DNAAF2: variants seen among roughly 807,000 people sequenced by gnomAD.
DNAAF2 encodes the protein dynein axonemal assembly factor 2.
In DNAAF2, 58 loss-of-function variants were observed where a neutral mutation model predicts 48.8. That is an observed-to-expected ratio of 1.19 (90% CI 0.96 to 1.48). The LOEUF is 1.48. Among genes scored for constraint, DNAAF2 ranks in the 40% most tolerant of loss-of-function variants. DNAAF2 has a pLI of 0.00. For missense variants in DNAAF2, 1,241 were observed against 1,116.1 expected (o/e 1.11, Z -1.59); for synonymous variants, 567 against 481.2 (o/e 1.18, Z -2.33).
At chr14:49,632,666 A>C (rs913661483) in intron 1 of DNAAF2, among the ~76,000 whole-genome samples, 5 of 143,654 alleles carry the variant, frequency 3.5e-5, no homozygotes, top group African/African-American at 1.0e-4. Context: ...GGCTGGTCTC[A>C]AAGTCCTGAC....
Position 49,633,749 on chromosome 14 carries a change from G to C in DNAAF2, c.1401C>G (p.Ser467=). 6.3e-7 allele frequency: 1 copy of C among 1,592,684 alleles called. No individual in the cohort carries two copies. The change falls in exon 1 of 3, where the codon TCC becomes TCG. Residue 467 remains serine (S), a synonymous_variant. Transcript: ENST00000298292. Reference sequence around the variant, plus strand: ...CCAGGCTCCGGGAGGACAAACAAGGGGAGCCTCCGCCACCAGGTGAGTTTT... The same window carrying C: ...CCAGGCTCCGGGAGGACAAACAAGGCGAGCCTCCGCCACCAGGTGAGTTTT... ...GGENSPGGGG[S]PCLSSRSLAW... is the part of the protein sequence containing the mutation.
In DNAAF2 at chr14:49,633,500, T is replaced by C. The variant is rs747996052; in HGVS notation, c.1650A>G (p.Gly550=). 1.9e-6 allele frequency: 3 copies of C among 1,613,922 alleles called. No individual in the cohort carries two copies. The highest frequency in any genetic ancestry group is 2.5e-6 in the Non-Finnish European group (3 of 1,179,892). Residue 550 remains glycine, a synonymous_variant, in exon 1 of 3, where the codon GGA becomes GGG. Coordinates refer to ENST00000298292, the MANE Select transcript of DNAAF2 (RefSeq NM_018139.3). ...VPRIQPQSLQ[G]DLNPLWYKLR... ...ATTTGTACCAGAGGGGATTCAAATC[T>C]CCTTGAAGACTTTGCGGCTGGATCC... is the stretch of plus-strand genomic sequence containing the variant.
chr14:49,630,082 T>C (rs1479726452), intron 1 of DNAAF2, among the ~76,000 whole-genome samples: 2 of 151,860 alleles, frequency 1.3e-5, no homozygotes, highest in Non-Finnish European at 2.9e-5. Flanking sequence ...AATACAAAAA[T>C]TAGCCGGGAG....
In DNAAF2 at chr14:49,634,553, C is replaced by T. The variant is rs201133639; in HGVS notation, c.597G>A (p.Ala199=). The T allele has an allele frequency of 3.1e-6, 5 of 1,603,498 alleles. No individual in the cohort carries two copies. Among genetic ancestry groups the T allele is most frequent in the Non-Finnish European group, 4.2e-6 (5 of 1,179,712 alleles). The change falls in exon 1 of 3, where the codon GCG becomes GCA. Residue 199 remains alanine (A), a synonymous_variant. Coordinates refer to ENST00000298292, the MANE Select transcript of DNAAF2 (RefSeq NM_018139.3). ...KAKYKGTPEA[A]VLRTPLPGVI... ...CCCCGGGCAGGGGCGTGCGCAGCAC[C>T]GCAGCCTCTGGGGTCCCCTTATACT... is the stretch of plus-strand genomic sequence containing the variant.
intron 2 of DNAAF2, among the ~76,000 whole-genome samples, chr14:49,626,508 G>A (rs1156384079): frequency 6.6e-6 from 1 of 152,110 alleles, no homozygotes; most frequent in Non-Finnish European, 1.5e-5. Flanking sequence ...AAGACAGGCA[G>A]CATTTGAAGG....
chr14:49,634,718 C>A lies in DNAAF2; in HGVS notation c.432G>T (p.Val144=), dbSNP rs745354571. ...GCGCAAGCGCGTCTGGATGGAAGAC[C>A]ACGTCGTAGACCATGTAGCGGCTGC... ...RSSSRYMVYD[V]VFHPDALALA... Residue 144 remains valine, a synonymous_variant, in exon 1 of 3, where the codon GTG becomes GTT. Transcript: ENST00000298292. 1.5e-5 allele frequency: 24 copies of A among 1,605,976 alleles called. No homozygotes were observed. Among genetic ancestry groups the A allele is most frequent in the Non-Finnish European group, 2.0e-5 (24 of 1,179,560 alleles).
At position 49,626,060 on chromosome 14, in the gene DNAAF2, G is replaced by C. The variant is rs946457685; in HGVS notation, c.2008-12C>G. On this transcript the variant is annotated splice_polypyrimidine_tract_variant and intron_variant, in intron 2 of 2. Transcript: ENST00000298292. ...CTACATTCTTGCAACTGTGTCAAGAGAAACAACAAATTAATAATTATTTTA... is the reference window on the plus strand; with the variant it reads ...CTACATTCTTGCAACTGTGTCAAGACAAACAACAAATTAATAATTATTTTA... The C allele has an allele frequency of 7.1e-7, 1 of 1,409,126 alleles. No homozygotes were observed. The highest frequency in any genetic ancestry group is 3.2e-5 in the Admixed American group (1 of 31,086). 87.3% of individuals were successfully genotyped at this position (1,409,126 alleles called of 1,614,324 possible).
rs562335055 is a variant in DNAAF2 at position 49,633,750 on chromosome 14, G to T, written c.1400C>A (p.Ser467Tyr). The T allele has an allele frequency of 6.3e-7, 1 of 1,592,576 alleles. No individual in the cohort carries two copies. Among genetic ancestry groups the T allele is most frequent in the African/African-American group, 1.3e-5 (1 of 74,422 alleles). The change falls in exon 1 of 3, where the codon TCC becomes TAC. Residue 467 changes from serine (S) to tyrosine (Y), a missense_variant. Coordinates refer to ENST00000298292, the MANE Select transcript of DNAAF2 (RefSeq NM_018139.3). ...GGENSPGGGGSPCLSSRSLAW... is the reference protein window; with the variant it reads ...GGENSPGGGGYPCLSSRSLAW... ...CAGGCTCCGGGAGGACAAACAAGGG[G>T]AGCCTCCGCCACCAGGTGAGTTTTC... is the stretch of plus-strand genomic sequence containing the variant.
In DNAAF2 at chr14:49,633,534, T is replaced by C; in HGVS notation, c.1616A>G (p.Gln539Arg). 6.2e-7 allele frequency: 1 copy of C among 1,614,058 alleles called. No homozygotes were observed. Among genetic ancestry groups the C allele is most frequent in the South Asian group, 1.1e-5 (1 of 91,088 alleles). The part of the protein sequence containing the change: ...QDKETLTLLI[Q>R]VPRIQPQSLQ... ...ACTTTGCGGCTGGATCCGAGGCACC[T>C]GAATGAGCAGAGTCAAGGTTTCTTT... The change falls in exon 1 of 3, where the codon CAG (glutamine) becomes CGG (arginine). Residue 539 changes from glutamine to arginine, a missense_variant. Coordinates refer to ENST00000298292, the MANE Select transcript of DNAAF2 (RefSeq NM_018139.3).
At chr14:49,632,825 G>T (rs895896754) in intron 1 of DNAAF2, among the ~76,000 whole-genome samples, 2 of 151,970 alleles carry the variant, frequency 1.3e-5, no homozygotes, top group African/African-American at 2.4e-5. Flanking sequence ...TATGTTAAAA[G>T]AGCTAAAAAA....
At chr14:49,628,606 C>T (rs1883072742) in intron 1 of DNAAF2, among the ~76,000 whole-genome samples, 2 of 152,088 alleles carry the variant, frequency 1.3e-5, no homozygotes, top group Admixed American at 1.3e-4. Flanking sequence ...AGGCGACTGC[C>T]ACCATGCCGG....
chr14:49,630,740 T>TACACACACACACACACAC lies in DNAAF2; in HGVS notation c.1863+2546_1863+2547insGTGTGTGTGTGTGTGTGT, dbSNP rs58647073. ...CACACACACACACACACAAACTCTC[T>TACACACACACACACACAC]ACACACACACACACACTTTTTTTTT... On this transcript the variant is annotated intron_variant, in intron 1 of 2. Coordinates refer to ENST00000298292, the MANE Select transcript of DNAAF2 (RefSeq NM_018139.3). Among the ~76,000 whole-genome samples, 365 of 136,864 alleles carry TACACACACACACACACAC rather than the reference T, an allele frequency of 2.7e-3. 4 individuals are homozygous for TACACACACACACACACAC. The highest frequency in any genetic ancestry group is 5.5e-3 in the Admixed American group (73 of 13,330). 89.8% of individuals were successfully genotyped at this position (136,864 alleles called of 152,430 possible). A position where few individuals can be genotyped will look rare whatever the true frequency, so the allele number is the denominator to read the frequency against.
chr14:49,634,985 C>T lies in DNAAF2; in HGVS notation c.165G>A (p.Glu55=). 2 of 1,563,472 alleles carry T rather than the reference C, an allele frequency of 1.3e-6. No homozygotes were observed. The highest frequency in any genetic ancestry group is 1.7e-6 in the Non-Finnish European group (2 of 1,154,128). The change falls in exon 1 of 3, where the codon GAG becomes GAA. Residue 55 remains glutamate (E), a synonymous_variant. Transcript: ENST00000298292. ...CGCGCTCACGCTCTAGCGCGGTGAT[C>T]TCCGCCTCGTAGCGCCGCCGGTTCT... ...DPENRRRYEA[E]ITALERERGV...
chr14:49,631,659 T>C (rs1883169513), intron 1 of DNAAF2, among the ~76,000 whole-genome samples: 2 of 152,128 alleles, frequency 1.3e-5, no homozygotes, highest in African/African-American at 4.8e-5. Flanking sequence ...ACTTGCCTTC[T>C]CAGTCTAATG....
chr14:49,632,431 CTAATACT>C (rs1296983749), intron 1 of DNAAF2, among the ~76,000 whole-genome samples: 3 of 145,296 alleles, frequency 2.1e-5, no homozygotes, highest in African/African-American at 7.6e-5. Context: ...AGCCCAAAGT[CTAATACT>C]TAATTTTTCT....
In DNAAF2 at chr14:49,634,313, C is replaced by A; in HGVS notation, c.837G>T (p.Val279=). 6.2e-7 allele frequency: 1 copy of A among 1,611,962 alleles called. No homozygotes were observed. The highest frequency in any genetic ancestry group is 8.5e-7 in the Non-Finnish European group (1 of 1,179,732). The change falls in exon 1 of 3, where the codon GTG becomes GTT. Residue 279 remains valine (V), a synonymous_variant. Transcript: ENST00000298292. ...RCSRDSAPSP[V]PHELVITIEL... ...CGATGGTGATCACCAGCTCATGGGG[C>A]ACGGGGCTCGGGGCTGAGTCCCTGG...
At chr14:49,631,961 C>A (rs1883175916) in intron 1 of DNAAF2, among the ~76,000 whole-genome samples, 1 of 152,130 alleles carries the variant, frequency 6.6e-6, no homozygotes, top group African/African-American at 2.4e-5. Flanking sequence ...GTTCCATCAG[C>A]TTTAGAAAAA....
intron 2 of DNAAF2, among the ~76,000 whole-genome samples, chr14:49,627,261 T>G (rs1211482569): frequency 2.0e-5 from 3 of 152,206 alleles, no homozygotes; most frequent in Non-Finnish European, 4.4e-5. Flanking sequence ...TTCCTCTAAT[T>G]TTTCAGAGCC....
intron 2 of DNAAF2, among the ~76,000 whole-genome samples, chr14:49,627,640 G>A (rs1386755019): frequency 6.6e-6 from 1 of 152,116 alleles, no homozygotes; most frequent in African/African-American, 2.4e-5. Context: ...TGGATCATGA[G>A]GTCAGGAGAT....
Sources: gnomAD v4.1 joint callset for allele counts (sites outside exome capture counted in the v4.1 genomes callset) on GRCh38, gnomAD v4.1.1 for gene constraint, MANE v1.5 for transcripts, NCBI Gene and HGNC (gene_info 2026-07-23, HGNC 2026-07-21) for gene names.